The following TRDN variants were observed in gnomAD, a reference collection of about 807,000 sequenced individuals.
The protein encoded by TRDN is triadin, also known as triadin in skeletal muscle.
Under a neutral mutation model 149.7 loss-of-function variants are expected in TRDN, and 161 were observed. That is an observed-to-expected ratio of 1.08 (90% confidence interval 0.95 to 1.23). TRDN has a LOEUF of 1.23. Among genes scored for constraint, TRDN ranks in the 50% most tolerant of loss-of-function variants. The pLI is 0.00. For synonymous variants in TRDN, 294 were observed against 250.5 expected (o/e 1.17, Z -1.64); for missense variants, 896 against 823.5 (o/e 1.09, Z -1.08).
chr6:123,469,462 A>G (rs1477527349), intron 9 of TRDN, among the ~76,000 whole-genome samples: 2 of 152,190 alleles, frequency 1.3e-5, no homozygotes, highest in African/African-American at 4.8e-5. Context: ...GAGATGTTCA[A>G]ATTTGCCTAT....
intron 33 of TRDN, among the ~76,000 whole-genome samples, 172 bp downstream of exon 33, chr6:123,265,146 G>T (rs1246103165): frequency 6.6e-6 from 1 of 151,926 alleles, no homozygotes; most frequent in Non-Finnish European, 1.5e-5. Context: ...TCCAAGGTAT[G>T]CCTGTGCACA....
intron 20 of TRDN, among the ~76,000 whole-genome samples, chr6:123,358,225 C>A (rs1015466102): frequency 6.6e-6 from 1 of 152,034 alleles, no homozygotes; most frequent in Admixed American, 6.6e-5. Context: ...CTTCAGAAAT[C>A]AAAACTAATG....
intron 31 of TRDN, 127 bp downstream of exon 31, chr6:123,269,722 A>T: frequency 1.2e-6 from 1 of 829,210 alleles, no homozygotes; most frequent in Non-Finnish European, 1.8e-6. Flanking sequence ...ACATTAATTT[A>T]TTATTAACAG....
At chr6:123,334,040 C>A (rs941782836) in intron 22 of TRDN, among the ~76,000 whole-genome samples, 6 of 152,078 alleles carry the variant, frequency 3.9e-5, no homozygotes, top group African/African-American at 1.2e-4. Context: ...CCCCCAGAGA[C>A]AAAGGCAGTA....
intron 10 of TRDN, among the ~76,000 whole-genome samples, chr6:123,450,315 C>T (rs1442397373): frequency 6.6e-6 from 1 of 152,130 alleles, no homozygotes; most frequent in Non-Finnish European, 1.5e-5. Flanking sequence ...AAATCACCAA[C>T]CAACTATCTG....
At chr6:123,271,242 A>G (rs1247020553) in intron 29 of TRDN, 56 bp from the exon 30 acceptor site, 3 of 1,211,602 alleles carry the variant, frequency 2.5e-6, no homozygotes, top group Non-Finnish European at 3.4e-6. Flanking sequence ...TCAGTGACAT[A>G]TTTCAACCAT....
chr6:123,524,407 T>C (rs1375954091), intron 5 of TRDN, among the ~76,000 whole-genome samples: 1 of 152,160 alleles, frequency 6.6e-6, no homozygotes, highest in African/African-American at 2.4e-5. Context: ...CCTAAATTAG[T>C]TGATGGCTTA....
intron 12 of TRDN, among the ~76,000 whole-genome samples, chr6:123,424,037 G>A (rs991754295): frequency 5.3e-5 from 8 of 152,082 alleles, no homozygotes; most frequent in Non-Finnish European, 1.2e-4. Flanking sequence ...CACCAAATGA[G>A]CAGAATAAGA....
intron 29 of TRDN, among the ~76,000 whole-genome samples, chr6:123,272,281 T>C (rs576915831): frequency 1.4e-4 from 22 of 152,068 alleles, no homozygotes; most frequent in Admixed American, 2.6e-4. Context: ...TGGGTACATA[T>C]TTCAGCCTGG....
intron 2 of TRDN, among the ~76,000 whole-genome samples, chr6:123,558,347 C>A (rs1781793299): frequency 6.6e-6 from 1 of 152,076 alleles, no homozygotes; most frequent in Non-Finnish European, 1.5e-5. Context: ...ACTCCCGCAC[C>A]CTATAATCCT....
chr6:123,532,396 T>C (rs753167148), intron 4 of TRDN, among the ~76,000 whole-genome samples: 3 of 152,048 alleles, frequency 2.0e-5, no homozygotes, highest in Non-Finnish European at 2.9e-5. Context: ...ACTAATTAGT[T>C]GACTTTAAGT....
intron 40 of TRDN, 118 bp from the exon 41 acceptor site, chr6:123,218,858 T>C: frequency 5.5e-6 from 6 of 1,084,710 alleles, no homozygotes; most frequent in Non-Finnish European, 7.8e-6. Context: ...TCCGTAGCTG[T>C]TGGCAAGTTA....
chr6:123,265,537 G>A (rs1459901634), intron 32 of TRDN, among the ~76,000 whole-genome samples, 199 bp from the exon 33 acceptor site: 2 of 151,200 alleles, frequency 1.3e-5, no homozygotes, highest in Non-Finnish European at 3.0e-5. Context: ...GAGCAGTAAA[G>A]CCTGAAAGTA....
chr6:123,366,619 G>C (rs1315540812), intron 19 of TRDN, among the ~76,000 whole-genome samples: 5 of 152,020 alleles, frequency 3.3e-5, no homozygotes, highest in Non-Finnish European at 1.5e-5. Flanking sequence ...CCAGGTTCAA[G>C]CAATTCCCCT....
intron 1 of TRDN, among the ~76,000 whole-genome samples, chr6:123,626,950 CAG>C (rs2114728865): frequency 6.6e-6 from 1 of 150,700 alleles, no homozygotes; most frequent in African/African-American, 2.4e-5. Context: ...TTTTTTGAGA[CAG>C]AGTTTTGCTC....
intron 38 of TRDN, among the ~76,000 whole-genome samples, chr6:123,229,060 T>C (rs867323588): frequency 3.3e-5 from 5 of 151,956 alleles, no homozygotes; most frequent in Non-Finnish European, 7.4e-5. Flanking sequence ...AGAATAAAAT[T>C]GTACTATCTT....
rs769186314 is a variant in TRDN at position 123,279,120 on chromosome 6, T to C, written c.1511-38A>G. 1.6e-5 allele frequency: 24 copies of C among 1,525,228 alleles called. No homozygotes were observed. The Admixed American group carries it at 4.1e-4, about 26-fold the overall frequency. The allele number at this position is 1,525,228 out of a possible 1,614,324, so 94.5% of individuals were successfully genotyped here. ...AAAAAAATTATTAAAGGCTGAGTCA[T>C]ACAATTCTTATTAAATTAACATTAT... is the stretch of plus-strand genomic sequence containing the variant. On this transcript the variant is annotated intron_variant, in intron 24 of 40. Transcript: ENST00000334268.
chr6:123,239,138 C>T (rs1775897994), intron 38 of TRDN, among the ~76,000 whole-genome samples: 1 of 152,060 alleles, frequency 6.6e-6, no homozygotes, highest in African/African-American at 2.4e-5. Flanking sequence ...TATGCCCAGC[C>T]ATATACTCTT....
chr6:123,489,216 A>T (rs1209435285), intron 9 of TRDN, among the ~76,000 whole-genome samples: 1 of 152,124 alleles, frequency 6.6e-6, no homozygotes, highest in African/African-American at 2.4e-5. Flanking sequence ...TTCATAATAA[A>T]AGAGAAAGCA....
Sources: gnomAD v4.1 joint callset for allele counts (sites outside exome capture counted in the v4.1 genomes callset) on GRCh38, gnomAD v4.1.1 for gene constraint, MANE v1.5 for transcripts, NCBI Gene and HGNC (gene_info 2026-07-23, HGNC 2026-07-21) for gene names.